The following CACNB4 variants were observed in gnomAD, a reference collection of about 807,000 sequenced individuals.
The protein encoded by CACNB4 is voltage-dependent L-type calcium channel subunit beta-4.
In CACNB4, 32 loss-of-function variants were observed where a neutral mutation model predicts 71.2. The ratio of observed to expected loss-of-function variants is 0.45; its 90% CI spans 0.34 to 0.60. CACNB4 has a LOEUF of 0.60. Ranked by LOEUF, CACNB4 falls within the 20% of genes least tolerant of loss-of-function variation. The probability of loss-of-function intolerance (pLI) is 0.01; values close to 1 mark genes in which losing one functional copy is unlikely to be tolerated. For synonymous variants in CACNB4, 231 were observed against 236.9 expected (o/e 0.97, Z 0.23); for missense variants, 464 against 647.9 (o/e 0.72, Z 3.08).
intron 2 of CACNB4, among the ~76,000 whole-genome samples, chr2:152,097,465 G>A (rs1341624729): frequency 6.6e-6 from 1 of 152,082 alleles, no homozygotes; most frequent in African/African-American, 2.4e-5. Context: ...GACACACCCC[G>A]ACAATTTCTG....
intron 2 of CACNB4, among the ~76,000 whole-genome samples, chr2:152,064,444 G>C (rs1473336681): frequency 1.3e-5 from 2 of 152,122 alleles, no homozygotes; most frequent in Non-Finnish European, 2.9e-5. Flanking sequence ...GCAGTGTTGC[G>C]ATCTCAGCTC....
intron 2 of CACNB4, among the ~76,000 whole-genome samples, chr2:152,003,479 T>C (rs1164166937): frequency 6.6e-6 from 1 of 151,918 alleles, no homozygotes; most frequent in Non-Finnish European, 1.5e-5. Flanking sequence ...GCTGTTCTCA[T>C]AACTTACACA....
intron 13 of CACNB4, among the ~76,000 whole-genome samples, chr2:151,840,559 C>A (rs1415533022): frequency 6.6e-6 from 1 of 151,600 alleles, no homozygotes; most frequent in Non-Finnish European, 1.5e-5. Flanking sequence ...CTCAGATCAG[C>A]CCATGGGAAG....
At chr2:152,067,387 G>GT (rs1445348561) in intron 2 of CACNB4, among the ~76,000 whole-genome samples, 3 of 144,452 alleles carry the variant, frequency 2.1e-5, no homozygotes, top group African/African-American at 8.4e-5. Context: ...ATGTGTGTGT[G>GT]TGGGGGGGGG....
intron 2 of CACNB4, among the ~76,000 whole-genome samples, chr2:151,983,608 C>T (rs1375104826): frequency 6.7e-6 from 1 of 148,922 alleles, no homozygotes; most frequent in Non-Finnish European, 1.5e-5. Flanking sequence ...TAAAAAAAAT[C>T]AAGGACCTCT....
At chr2:151,916,642 T>C (rs78031855) in intron 2 of CACNB4, among the ~76,000 whole-genome samples, 169 of 152,318 alleles carry the variant, frequency 1.1e-3, no homozygotes, top group African/African-American at 4.0e-3. Flanking sequence ...ATCACCCACA[T>C]AGAAAGCCAA....
intron 2 of CACNB4, among the ~76,000 whole-genome samples, chr2:152,043,335 C>G (rs1684973723): frequency 6.6e-6 from 1 of 152,180 alleles, no homozygotes; most frequent in South Asian, 2.1e-4. Context: ...TGACCCCTTT[C>G]CAATAACAAT....
intron 2 of CACNB4, among the ~76,000 whole-genome samples, chr2:152,070,774 C>T (rs1686640784): frequency 6.6e-6 from 1 of 152,086 alleles, no homozygotes; most frequent in African/African-American, 2.4e-5. Flanking sequence ...TTCATATATG[C>T]TTTTTTATTT....
chr2:152,038,275 C>T (rs1174424381), intron 2 of CACNB4, among the ~76,000 whole-genome samples: 1 of 152,184 alleles, frequency 6.6e-6, no homozygotes, highest in Non-Finnish European at 1.5e-5. Context: ...AACTCTCACA[C>T]CAGAGTGTGC....
rs1202992581 is a variant in CACNB4 at position 151,909,460 on chromosome 2, AAAC to A, written c.148-26093_148-26091del. 6.0e-5 allele frequency among the ~76,000 whole-genome samples: 8 copies of A among 132,674 alleles called. 2 individuals carry two copies. Among genetic ancestry groups the A allele is most frequent in the Non-Finnish European group, 8.8e-5 (5 of 56,742 alleles). The allele number at this position is 132,674 out of a possible 152,430, so 87.0% of individuals were successfully genotyped here. ...CAGGGAGGAAAAAAACAAAAAAAAA[AAAC>A]AAAAAATGGGATACAAGTGCAGATT... On this transcript the variant is annotated intron_variant, in intron 2 of 13. Coordinates refer to ENST00000539935, the MANE Select transcript of CACNB4 (RefSeq NM_000726.5).
At chr2:151,844,531 C>A (rs569323649) in intron 12 of CACNB4, among the ~76,000 whole-genome samples, 1 of 152,202 alleles carries the variant, frequency 6.6e-6, no homozygotes, top group African/African-American at 2.4e-5. Flanking sequence ...TACAATAAAT[C>A]CCCTTTTCCA....
In CACNB4 at chr2:152,091,455, T is replaced by G. The variant is rs1687967733; in HGVS notation, c.147+6875A>C. ...TTGTGCCCCAGCTTAGCCAACATGG[T>G]GAAACCTGGTCTCTACTAAAAATAC... On this transcript the variant is annotated intron_variant, in intron 2 of 13. Transcript: ENST00000539935. 2.0e-5 allele frequency among the ~76,000 whole-genome samples: 3 copies of G among 151,916 alleles called. No individual in the cohort carries two copies. The South Asian group carries it at 6.3e-4, about 32-fold the overall frequency.
At chr2:152,094,634 T>C (rs1688165816) in intron 2 of CACNB4, among the ~76,000 whole-genome samples, 1 of 152,204 alleles carries the variant, frequency 6.6e-6, no homozygotes. Flanking sequence ...TCTCGTTCCT[T>C]GTTACATGTC....
chr2:151,926,477 C>T (rs2099860298), intron 2 of CACNB4, among the ~76,000 whole-genome samples: 1 of 152,082 alleles, frequency 6.6e-6, no homozygotes, highest in Non-Finnish European at 1.5e-5. Context: ...TAGAAAAACT[C>T]TGAAATGGAA....
In CACNB4 at chr2:151,838,148, G is replaced by A. The variant is rs991450712; in HGVS notation, c.*971C>T. ...GAAATAGATGAATTCCCACCTGGAA[G>A]TGTTTAGCATTGCACTCGGGAGGAT... On this transcript the variant is annotated 3_prime_UTR_variant, in exon 14 of 14. Coordinates refer to ENST00000539935, the MANE Select transcript of CACNB4 (RefSeq NM_000726.5). The A allele has an allele frequency of 6.6e-6, 1 of 152,548 alleles. No individual in the cohort carries two copies. Among genetic ancestry groups the A allele is most frequent in the African/African-American group, 2.4e-5 (1 of 41,454 alleles). The allele number at this position is 152,548 out of a possible 1,614,324, so 9.4% of individuals were successfully genotyped here. A position where few individuals can be genotyped will look rare whatever the true frequency, so the allele number is the denominator to read the frequency against.
At chr2:152,028,670 A>G (rs553417609) in intron 2 of CACNB4, among the ~76,000 whole-genome samples, 1 of 152,346 alleles carries the variant, frequency 6.6e-6, no homozygotes, top group East Asian at 1.9e-4. Flanking sequence ...TCTGTTGGTC[A>G]AAAACATTTC....
rs1260661360 is a variant in CACNB4 at position 151,855,294 on chromosome 2, T to C, written c.950A>G (p.Asn317Ser). 1.3e-6 allele frequency: 2 copies of C among 1,596,778 alleles called. No individual in the cohort carries two copies. Among genetic ancestry groups the C allele is most frequent in the South Asian group, 1.1e-5 (1 of 89,792 alleles). ...QLVVLDADTINHPAQLIKTSL... is the reference protein window; with the variant it reads ...QLVVLDADTISHPAQLIKTSL... ...AGTCTTTATAAGTTGTGCTGGGTGA[T>C]TGATGGTGTCTGCATCAAGAACAAC... Residue 317 changes from asparagine (N) to serine (S), a missense_variant, in exon 11 of 14, where the codon AAT becomes AGT. Coordinates refer to ENST00000539935, the MANE Select transcript of CACNB4 (RefSeq NM_000726.5).
At chr2:151,888,315 A>G (rs1282236856) in intron 2 of CACNB4, among the ~76,000 whole-genome samples, 1 of 152,168 alleles carries the variant, frequency 6.6e-6, no homozygotes, top group African/African-American at 2.4e-5. Context: ...AAATCCCAGC[A>G]CTTTGGGAGG....
intron 2 of CACNB4, among the ~76,000 whole-genome samples, chr2:152,071,965 T>C (rs1686719158): frequency 6.6e-6 from 1 of 152,256 alleles, no homozygotes; most frequent in African/African-American, 2.4e-5. Context: ...CATTCATTCA[T>C]TTATTCCATA....
Sources: allele counts gnomAD v4.1 joint callset (sites outside exome capture counted in the v4.1 genomes callset), GRCh38; gene constraint gnomAD v4.1.1; transcripts MANE v1.5; gene names NCBI Gene and HGNC (gene_info 2026-07-23, HGNC 2026-07-21).